TBC1D22A: variants seen among roughly 807,000 people sequenced by gnomAD.
TBC1D22A encodes putative GTPase activator.
Under a neutral mutation model 60.2 loss-of-function variants are expected in TBC1D22A, and 38 were observed. The observed-to-expected ratio is 0.63, with a 90% CI of 0.49 to 0.83. The LOEUF is 0.83. Ranked by LOEUF, TBC1D22A falls within the 40% of genes least tolerant of loss-of-function variation. The pLI, the probability that TBC1D22A is intolerant of heterozygous loss-of-function variation, is 0.00. For synonymous variants in TBC1D22A, 302 were observed against 281.7 expected, an observed-to-expected ratio of 1.07 and a Z score of -0.72; for missense variants, 628 against 701.0, an observed-to-expected ratio of 0.90 and a Z score of 1.18.
chr22:46,816,439 G>A (rs941060867), intron 4 of TBC1D22A, among the ~76,000 whole-genome samples: 3 of 152,228 alleles, frequency 2.0e-5, no homozygotes, highest in African/African-American at 7.2e-5. Flanking sequence ...CTTTCTCTAA[G>A]CACTGAATGA....
chr22:47,088,460 C>G (rs938496744), intron 11 of TBC1D22A, among the ~76,000 whole-genome samples: 6 of 152,112 alleles, frequency 3.9e-5, no homozygotes, highest in African/African-American at 1.4e-4. Context: ...TAGAACATAC[C>G]AAGAATGTTA....
intron 11 of TBC1D22A, among the ~76,000 whole-genome samples, chr22:47,071,720 C>T (rs971094981): frequency 3.9e-5 from 6 of 152,264 alleles, no homozygotes; most frequent in South Asian, 4.1e-4. Context: ...TGGTTTGTTG[C>T]GGTTCTGGGA....
chr22:46,993,588 G>A (rs796441646), intron 9 of TBC1D22A, among the ~76,000 whole-genome samples: 1 of 152,186 alleles, frequency 6.6e-6, no homozygotes, highest in African/African-American at 2.4e-5. Flanking sequence ...TGGGAGGCGG[G>A]GTGCTGGGCT....
intron 11 of TBC1D22A, among the ~76,000 whole-genome samples, chr22:47,104,580 A>C (rs181628897): frequency 6.6e-6 from 1 of 151,908 alleles, no homozygotes; most frequent in African/African-American, 2.4e-5. Context: ...CTGTAATCCC[A>C]GCTACCCCAG....
At chr22:46,876,136 C>T (rs779270041) in intron 4 of TBC1D22A, among the ~76,000 whole-genome samples, 21 of 152,182 alleles carry the variant, frequency 1.4e-4, no homozygotes, top group Admixed American at 5.2e-4. Context: ...CACCATAGGG[C>T]GTACAGTGGA....
intron 8 of TBC1D22A, among the ~76,000 whole-genome samples, chr22:46,934,087 CA>C (rs1218718662): frequency 1.3e-5 from 2 of 152,252 alleles, no homozygotes; most frequent in Non-Finnish European, 2.9e-5. Context: ...CAAAATGGCA[CA>C]GGCAAGGCTT....
At chr22:46,882,509 G>T (rs1043093532) in intron 5 of TBC1D22A, among the ~76,000 whole-genome samples, 1 of 152,092 alleles carries the variant, frequency 6.6e-6, no homozygotes. Flanking sequence ...AAAGTTATGC[G>T]CTATGCCCGC....
chr22:47,141,854 T>C (rs1420317924), intron 12 of TBC1D22A, among the ~76,000 whole-genome samples: 1 of 152,222 alleles, frequency 6.6e-6, no homozygotes, highest in African/African-American at 2.4e-5. Context: ...TTCCACTAGT[T>C]CCAAAATAGA....
In TBC1D22A at chr22:46,793,774, C is replaced by T. The variant is rs754290212; in HGVS notation, c.393C>T (p.Pro131=). The change falls in exon 3 of 13, where the codon CCC becomes CCT. Residue 131 remains proline (P), a synonymous_variant. Transcript: ENST00000337137. ...QQKPRPEAEP[P]SPPSGDLRLV... ...AGCCCAGGCCCGAGGCAGAGCCGCCCTCACCCCCCAGCGGCGACCTCCGGC... is the reference window on the plus strand; with the variant it reads ...AGCCCAGGCCCGAGGCAGAGCCGCCTTCACCCCCCAGCGGCGACCTCCGGC... 3.1e-6 allele frequency: 5 copies of T among 1,604,004 alleles called. No homozygotes were observed. Among genetic ancestry groups the T allele is most frequent in the Admixed American group, 3.4e-5 (2 of 58,470 alleles).
chr22:47,083,294 C>G (rs1192255376), intron 11 of TBC1D22A, among the ~76,000 whole-genome samples: 1 of 150,720 alleles, frequency 6.6e-6, no homozygotes, highest in African/African-American at 2.4e-5. Flanking sequence ...AATTATACAT[C>G]CGAAAAAAAC....
At chr22:47,094,386 A>G (rs2337229) in intron 11 of TBC1D22A, among the ~76,000 whole-genome samples, 41,888 of 152,114 alleles carry the variant, frequency 0.28, 6,400 homozygotes, top group East Asian at 0.57. Context: ...CGTGGGTCTC[A>G]TCCCATCCGT....
At chr22:47,031,988 T>C (rs565187204) in intron 10 of TBC1D22A, among the ~76,000 whole-genome samples, 1 of 152,274 alleles carries the variant, frequency 6.6e-6, no homozygotes, top group East Asian at 1.9e-4. Context: ...TCCAGAAATA[T>C]GTGTTTAAAT....
At chr22:47,113,482 A>G (rs1374961855) in intron 12 of TBC1D22A, among the ~76,000 whole-genome samples, 1 of 152,134 alleles carries the variant, frequency 6.6e-6, no homozygotes, top group Admixed American at 6.5e-5. Context: ...GCTCAGGCCC[A>G]TGCTAACAAC....
At chr22:47,015,628 T>C (rs933831137) in intron 10 of TBC1D22A, among the ~76,000 whole-genome samples, 1 of 152,222 alleles carries the variant, frequency 6.6e-6, no homozygotes, top group Non-Finnish European at 1.5e-5. Flanking sequence ...CACGTTTTAC[T>C]GTGCGGTGTC....
chr22:46,883,894 A>C (rs2067977882), intron 5 of TBC1D22A, among the ~76,000 whole-genome samples: 1 of 152,044 alleles, frequency 6.6e-6, no homozygotes, highest in South Asian at 2.1e-4. Context: ...CCACTATCAA[A>C]ACCAAACCCA....
chr22:46,805,411 T>C (rs2085084248), intron 4 of TBC1D22A, among the ~76,000 whole-genome samples: 1 of 152,230 alleles, frequency 6.6e-6, no homozygotes, highest in Non-Finnish European at 1.5e-5. Flanking sequence ...AAGTTAAGTT[T>C]CTCAGCAAGA....
At chr22:46,818,164 A>G (rs999039229) in intron 4 of TBC1D22A, among the ~76,000 whole-genome samples, 31 of 152,274 alleles carry the variant, frequency 2.0e-4, no homozygotes, top group African/African-American at 7.2e-4. Context: ...TGTCAGATGG[A>G]TAGATTGCAA....
At chr22:46,892,129 T>C (rs1295240307) in intron 6 of TBC1D22A, among the ~76,000 whole-genome samples, 1 of 152,202 alleles carries the variant, frequency 6.6e-6, no homozygotes, top group Non-Finnish European at 1.5e-5. Flanking sequence ...ATGGTGGTTC[T>C]TAATTGGTAT....
At chr22:47,023,137 C>T (rs1395083625) in intron 10 of TBC1D22A, among the ~76,000 whole-genome samples, 1 of 152,082 alleles carries the variant, frequency 6.6e-6, no homozygotes, top group South Asian at 2.1e-4. Context: ...TGTTAAAAAT[C>T]TGGAGAAATA....
Sources: allele counts gnomAD v4.1 joint callset (sites outside exome capture counted in the v4.1 genomes callset), GRCh38; gene constraint gnomAD v4.1.1; transcripts MANE v1.5; gene names NCBI Gene and HGNC (gene_info 2026-07-23, HGNC 2026-07-21).